CAMK1D: variants seen among roughly 807,000 people sequenced by gnomAD.
The protein encoded by CAMK1D is calcium/calmodulin-dependent protein kinase type 1D.
Under a neutral mutation model 47.7 loss-of-function variants are expected in CAMK1D, and 9 were observed. The observed-to-expected ratio is 0.19, with a 90% CI of 0.11 to 0.33. The LOEUF (loss-of-function observed/expected upper bound fraction) is 0.33, where lower values mean the gene tolerates loss of function less well. Among genes scored for constraint, CAMK1D ranks in the 10% least tolerant of loss-of-function variants. CAMK1D has a pLI of 1.00. For synonymous variants in CAMK1D, 184 were observed against 184.9 expected (o/e 0.99, Z 0.04); for missense variants, 291 against 488.7 (o/e 0.60, Z 3.81).
rs184530632 is a variant in CAMK1D, at chr10:12,684,234, C to G, written c.299+17424C>G. 6.6e-5 allele frequency among the ~76,000 whole-genome samples: 10 copies of G among 152,184 alleles called. No homozygotes were observed. The East Asian group carries it at 1.9e-3, about 29-fold the overall frequency. ...TAAGAAGCTAACATTCTTCCTGGAA[C>G]AGAGGAGAACTTTGAGTTTTGTGAC... On this transcript the variant is annotated intron_variant, in intron 3 of 10. Transcript: ENST00000619168.
chr10:12,435,798 T>C (rs891561676), intron 1 of CAMK1D, among the ~76,000 whole-genome samples: 7 of 152,226 alleles, frequency 4.6e-5, no homozygotes, highest in African/African-American at 1.7e-4. Context: ...GCTCTTTGAA[T>C]GCTGGTCCAA....
intron 3 of CAMK1D, among the ~76,000 whole-genome samples, chr10:12,730,831 A>G (rs1433526580): frequency 6.6e-6 from 1 of 152,228 alleles, no homozygotes; most frequent in African/African-American, 2.4e-5. Flanking sequence ...TTGTTCAGCA[A>G]CATAGAATCA....
At chr10:12,798,679 G>T (rs1437820362) in intron 6 of CAMK1D, among the ~76,000 whole-genome samples, 1 of 152,200 alleles carries the variant, frequency 6.6e-6, no homozygotes, top group African/African-American at 2.4e-5. Flanking sequence ...GATAAAATGT[G>T]CTGTTTGTGT....
chr10:12,616,509 TTTGTTGTTG>T (rs71762629), intron 2 of CAMK1D, among the ~76,000 whole-genome samples: 14 of 151,278 alleles, frequency 9.3e-5, no homozygotes, highest in Admixed American at 3.9e-4. Flanking sequence ...TTGTTTGTTT[TTTGTTGTTG>T]TTGTTGTTGT....
intron 1 of CAMK1D, among the ~76,000 whole-genome samples, chr10:12,476,214 C>A (rs887589017): frequency 2.7e-5 from 4 of 150,708 alleles, no homozygotes; most frequent in Non-Finnish European, 4.4e-5. Flanking sequence ...ATAGCTTGAA[C>A]CTGGGAGGCG....
chr10:12,669,609 A>G (rs368826730), intron 3 of CAMK1D, among the ~76,000 whole-genome samples: 20 of 152,286 alleles, frequency 1.3e-4, no homozygotes, highest in Admixed American at 7.2e-4. Flanking sequence ...AGAGAATCAT[A>G]CCCTTAAAGC....
intron 3 of CAMK1D, among the ~76,000 whole-genome samples, chr10:12,751,945 T>G (rs1358971439): frequency 6.6e-6 from 1 of 152,098 alleles, no homozygotes; most frequent in African/African-American, 2.4e-5. Context: ...TGTTTTGTCT[T>G]TGCTCTTTCA....
intron 1 of CAMK1D, among the ~76,000 whole-genome samples, chr10:12,535,271 G>A (rs1269531211): frequency 2.6e-5 from 4 of 152,332 alleles, no homozygotes; most frequent in South Asian, 4.1e-4. Flanking sequence ...AACGCCAGCT[G>A]TGGCTCCAAC....
chr10:12,614,835 T>G (rs970362788), intron 2 of CAMK1D, among the ~76,000 whole-genome samples: 1 of 152,214 alleles, frequency 6.6e-6, no homozygotes, highest in Non-Finnish European at 1.5e-5. Context: ...CCTCTGATTC[T>G]TTGAGTACCA....
At chr10:12,482,507 T>TC (rs1380265706) in intron 1 of CAMK1D, among the ~76,000 whole-genome samples, 2 of 152,236 alleles carry the variant, frequency 1.3e-5, no homozygotes, top group African/African-American at 4.8e-5. Flanking sequence ...AATTTTTTTT[T>TC]CTCTCGAAGC....
At chr10:12,563,694 A>AGAGAGAGAGAGAGAGAGAGAGAGAGAGG (rs1837024527) in intron 2 of CAMK1D, among the ~76,000 whole-genome samples, 1 of 64,374 alleles carries the variant, frequency 1.6e-5, no homozygotes, top group African/African-American at 5.0e-5. Flanking sequence ...AGAGAGAGAG[A>AGAGAGAGAGAGAGAGAGAGAGAGAGAGG]GAGAGGGAGA....
chr10:12,736,502 A>G (rs2130830649), intron 3 of CAMK1D, among the ~76,000 whole-genome samples: 1 of 152,340 alleles, frequency 6.6e-6, no homozygotes, highest in African/African-American at 2.4e-5. Flanking sequence ...ACAAATTATA[A>G]TATCCTTGAA....
intron 6 of CAMK1D, among the ~76,000 whole-genome samples, chr10:12,813,978 G>A (rs12252702): frequency 0.065 from 9,679 of 148,232 alleles, 701 homozygotes; most frequent in African/African-American, 0.18. Flanking sequence ...TAGTTGAGAC[G>A]AGGTTTTGCT....
Position 12,427,519 on chromosome 10 carries a change from C to T in CAMK1D, c.92+77609C>T, listed in dbSNP as rs550952471. ...CACCGTCTGCCAGTCTTGGCCTCCCCGGACAGGGAGAAGGTGGGGGACAGG... is the reference window on the plus strand; with the variant it reads ...CACCGTCTGCCAGTCTTGGCCTCCCTGGACAGGGAGAAGGTGGGGGACAGG... On this transcript the variant is annotated intron_variant, in intron 1 of 10. Transcript: ENST00000619168. Among the ~76,000 whole-genome samples, 21 of 152,080 alleles carry T rather than the reference C, an allele frequency of 1.4e-4. No individual in the cohort carries two copies. The South Asian group carries it at 3.3e-3, about 24-fold the overall frequency.
intron 3 of CAMK1D, among the ~76,000 whole-genome samples, chr10:12,722,707 A>G (rs115741936): frequency 0.016 from 2,441 of 152,260 alleles, 38 homozygotes; most frequent in African/African-American, 0.038. Flanking sequence ...AAAGGTCCTT[A>G]CCATTTAAAC....
intron 2 of CAMK1D, among the ~76,000 whole-genome samples, chr10:12,594,495 A>G (rs1253497251): frequency 6.6e-6 from 1 of 152,174 alleles, no homozygotes; most frequent in Non-Finnish European, 1.5e-5. Context: ...GGCTGTCAGC[A>G]CTCGGCCTCC....
chr10:12,790,790 A>G (rs780791726), intron 5 of CAMK1D, among the ~76,000 whole-genome samples: 39 of 152,148 alleles, frequency 2.6e-4, no homozygotes, highest in Non-Finnish European at 4.9e-4. Context: ...CAGAAGTTCA[A>G]GACCAGGCTG....
chr10:12,641,938 T>C lies in CAMK1D; in HGVS notation c.225-24798T>C, dbSNP rs183788515. On this transcript the variant is annotated intron_variant, in intron 2 of 10. Transcript: ENST00000619168. ...AGGGCGCCTGTAGTCCCAGCTACTC[T>C]GGAGGCTGAAGCAGGACAATTGCTT... is the stretch of plus-strand genomic sequence containing the variant. 1.8e-3 allele frequency among the ~76,000 whole-genome samples: 273 copies of C among 151,686 alleles called. 2 individuals are homozygous for C. Among genetic ancestry groups the C allele is most frequent in the African/African-American group, 5.5e-3 (228 of 41,338 alleles).
chr10:12,620,923 A>T (rs1838978401), intron 2 of CAMK1D, among the ~76,000 whole-genome samples: 1 of 152,152 alleles, frequency 6.6e-6, no homozygotes, highest in Admixed American at 6.6e-5. Flanking sequence ...TCCATGACCC[A>T]TTTTGAGTTA....
Sources: gnomAD v4.1 joint callset for allele counts (sites outside exome capture counted in the v4.1 genomes callset) on GRCh38, gnomAD v4.1.1 for gene constraint, MANE v1.5 for transcripts, NCBI Gene and HGNC (gene_info 2026-07-23, HGNC 2026-07-21) for gene names.